The following SLCO1B3 variants were observed in gnomAD, a reference collection of about 807,000 sequenced individuals.
The protein encoded by SLCO1B3 is liver-specific organic anion transporter 2.
A neutral mutation model predicts 71.8 loss-of-function variants in SLCO1B3; 72 were observed. That is an observed-to-expected ratio of 1.00 (90% confidence interval 0.83 to 1.22). The LOEUF is 1.22. Among genes scored for constraint, SLCO1B3 ranks in the 50% most tolerant of loss-of-function variants. SLCO1B3 has a pLI of 0.00. For synonymous variants in SLCO1B3, 298 were observed against 278.4 expected (o/e 1.07, Z -0.70); for missense variants, 911 against 819.7 (o/e 1.11, Z -1.36).
chr12:20,878,680 GAC>G (rs1191916504), intron 10 of SLCO1B3, among the ~76,000 whole-genome samples: 2 of 152,124 alleles, frequency 1.3e-5, no homozygotes, highest in Admixed American at 1.3e-4. Flanking sequence ...CTGTTGAACT[GAC>G]AGATTTAAAC....
At chr12:20,907,292 GA>G (rs1052743990) in intron 15 of SLCO1B3, among the ~76,000 whole-genome samples, 1 of 151,968 alleles carries the variant, frequency 6.6e-6, no homozygotes, top group Non-Finnish European at 1.5e-5. Flanking sequence ...GATTTTTCTG[GA>G]ATTACAGTAA....
rs2417937 is a variant in SLCO1B3 at position 20,878,219 on chromosome 12, A to G, written c.1135+283A>G. Among the ~76,000 whole-genome samples the G allele has an allele frequency of 0.72, 109,894 of 151,818 alleles. 42,386 individuals are homozygous for G. The highest frequency in any genetic ancestry group is 0.9 in the South Asian group (4,336 of 4,818). The stretch of plus-strand genomic sequence containing the variant: ...GCTTGTGAATAAAACATTTAGACGT[A>G]GTATCTGCATAATTGGATCTTATAA... On this transcript the variant is annotated intron_variant, in intron 10 of 15. Transcript: ENST00000381545.
chr12:20,821,592 G>T (rs530601441), intron 3 of SLCO1B3, among the ~76,000 whole-genome samples: 3 of 152,244 alleles, frequency 2.0e-5, no homozygotes, highest in South Asian at 2.1e-4. Flanking sequence ...TTGCCCCCTA[G>T]AAAAGCGGGA....
chr12:20,817,269 G>A (rs1163600176), intron 3 of SLCO1B3, among the ~76,000 whole-genome samples: 2 of 152,162 alleles, frequency 1.3e-5, no homozygotes, highest in Non-Finnish European at 2.9e-5. Context: ...ATTTGCTCAA[G>A]AAATTTTTGC....
chr12:20,901,505 TC>T, intron 15 of SLCO1B3, 38 bp downstream of exon 15: 2 of 1,099,416 alleles, frequency 1.8e-6, no homozygotes, highest in Non-Finnish European at 1.3e-6. Flanking sequence ...ATAGATTTTT[TC>T]TTTGTCTATG....
chr12:20,819,088 G>T (rs941799389), intron 3 of SLCO1B3, among the ~76,000 whole-genome samples: 1 of 151,996 alleles, frequency 6.6e-6, no homozygotes, highest in African/African-American at 2.4e-5. Flanking sequence ...CTAAAGCAGC[G>T]GCAGCCGCTG....
At chr12:20,827,600 C>T (rs1864450293) in intron 3 of SLCO1B3, among the ~76,000 whole-genome samples, 1 of 151,524 alleles carries the variant, frequency 6.6e-6, no homozygotes, top group Admixed American at 6.6e-5. Context: ...GAGACAGAGT[C>T]TCACTCCGTT....
chr12:20,879,682 A>T, intron 11 of SLCO1B3, 51 bp downstream of exon 11: 1 of 1,197,432 alleles, frequency 8.4e-7, no homozygotes, highest in South Asian at 1.7e-5. Context: ...CATCAAATTA[A>T]AAGATTATGT....
At chr12:20,898,535 A>G (rs1241609135) in intron 14 of SLCO1B3, 35 bp downstream of exon 14, 3 of 1,033,198 alleles carry the variant, frequency 2.9e-6, no homozygotes, top group South Asian at 3.1e-5. Flanking sequence ...ATTTTAACAT[A>G]TAAATATTAA....
At chr12:20,895,254 A>G (rs1351331373) in intron 13 of SLCO1B3, among the ~76,000 whole-genome samples, 1 of 152,176 alleles carries the variant, frequency 6.6e-6, no homozygotes, top group Admixed American at 6.5e-5. Flanking sequence ...ACAGTCCCCC[A>G]GAATCTTAAC....
intron 3 of SLCO1B3, among the ~76,000 whole-genome samples, chr12:20,847,364 G>T (rs113522079): frequency 1.2e-3 from 189 of 152,202 alleles, no homozygotes; most frequent in African/African-American, 4.4e-3. Context: ...TCATGAGAGA[G>T]GAACCCTTCA....
chr12:20,814,694 T>C (rs1864160138), intron 2 of SLCO1B3, among the ~76,000 whole-genome samples: 1 of 152,040 alleles, frequency 6.6e-6, no homozygotes, highest in Admixed American at 6.5e-5. Flanking sequence ...ATCGAGACCA[T>C]GCTGGCTAAC....
At position 20,901,335 on chromosome 12, in the gene SLCO1B3, TA is replaced by T; in HGVS notation, c.1748-14del. ...CATTTCACTTGGATTGATATCTTTTTATCTCATGTTGCAGGAGGAATTCTAG... is the reference window on the plus strand; with the variant it reads ...CATTTCACTTGGATTGATATCTTTTTTCTCATGTTGCAGGAGGAATTCTAG... On this transcript the variant is annotated splice_polypyrimidine_tract_variant and intron_variant, in intron 14 of 15. Transcript: ENST00000381545. The T allele has an allele frequency of 2.1e-6, 3 of 1,398,384 alleles. No homozygotes were observed. The highest frequency in any genetic ancestry group is 3.0e-6 in the Non-Finnish European group (3 of 1,005,092). The allele number at this position is 1,398,384 out of a possible 1,614,324, so 86.6% of individuals were successfully genotyped here.
intron 1 of SLCO1B3, among the ~76,000 whole-genome samples, chr12:20,811,903 A>G (rs1052272833): frequency 2.8e-5 from 3 of 106,562 alleles, no homozygotes; most frequent in Non-Finnish European, 5.9e-5. Context: ...CTTACTTGAT[A>G]CATTTTTTTT....
intron 1 of SLCO1B3, among the ~76,000 whole-genome samples, chr12:20,812,818 A>G (rs552491348): frequency 3.3e-5 from 5 of 152,182 alleles, no homozygotes; most frequent in Non-Finnish European, 7.3e-5. Flanking sequence ...TTTAGTATAA[A>G]GAAAAAGAAA....
chr12:20,901,223 C>A, intron 14 of SLCO1B3, 127 bp from the exon 15 acceptor site: 2 of 668,134 alleles, frequency 3.0e-6, no homozygotes, highest in East Asian at 5.8e-5. Flanking sequence ...GGATGTAAGC[C>A]AAACCAATGG....
chr12:20,852,423 G>A (rs1865043850), intron 3 of SLCO1B3, among the ~76,000 whole-genome samples: 1 of 152,154 alleles, frequency 6.6e-6, no homozygotes, highest in Admixed American at 6.5e-5. Context: ...GGACTGCAGT[G>A]AGCCATGATC....
chr12:20,818,821 A>G (rs1341456392), intron 3 of SLCO1B3, among the ~76,000 whole-genome samples: 12 of 152,108 alleles, frequency 7.9e-5, no homozygotes, highest in Non-Finnish European at 5.9e-5. Context: ...GGGAAATGGG[A>G]TGAACATCAG....
At chr12:20,812,542 AGTG>A (rs1287955084) in intron 1 of SLCO1B3, among the ~76,000 whole-genome samples, 1 of 152,216 alleles carries the variant, frequency 6.6e-6, no homozygotes, top group Non-Finnish European at 1.5e-5. Context: ...CTGTTGGGAC[AGTG>A]GTTCCATACA....
Sources: allele counts gnomAD v4.1 joint callset (sites outside exome capture counted in the v4.1 genomes callset), GRCh38; gene constraint gnomAD v4.1.1; transcripts MANE v1.5; gene names NCBI Gene and HGNC (gene_info 2026-07-23, HGNC 2026-07-21).